The following NEK11 variants were observed in gnomAD, a reference collection of about 807,000 sequenced individuals.
NEK11 encodes NIMA related kinase 11, also known as serine/threonine-protein kinase Nek11.
A neutral mutation model predicts 80.7 loss-of-function variants in NEK11; 72 were observed. The observed-to-expected ratio is 0.89, with a 90% CI of 0.74 to 1.08. NEK11 has a LOEUF of 1.08. Among genes scored for constraint, NEK11 ranks in the 50% least tolerant of loss-of-function variants. NEK11 has a pLI of 0.00. For missense variants in NEK11, 764 were observed against 763.6 expected (o/e 1.00, Z -0.01); for synonymous variants, 251 against 260.7 (o/e 0.96, Z 0.36).
chr3:131,232,947 G>A (rs898484402), intron 15 of NEK11, among the ~76,000 whole-genome samples: 2 of 151,290 alleles, frequency 1.3e-5, no homozygotes, highest in Non-Finnish European at 2.9e-5. Context: ...AAGTAGGTGG[G>A]AGGAGTCTTA....
chr3:131,245,332 G>A (rs2095583779), intron 16 of NEK11, among the ~76,000 whole-genome samples: 2 of 130,900 alleles, frequency 1.5e-5, no homozygotes, highest in Admixed American at 7.4e-5. Context: ...TGTGTGTACT[G>A]TTATCCAATC....
At chr3:131,271,938 T>C (rs1168590022) in intron 16 of NEK11, among the ~76,000 whole-genome samples, 1 of 148,738 alleles carries the variant, frequency 6.7e-6, no homozygotes, top group Non-Finnish European at 1.5e-5. Context: ...CTGTCTCTAC[T>C]AAAAATACAA....
chr3:131,078,480 G>T (rs1177408722), intron 3 of NEK11, among the ~76,000 whole-genome samples: 1 of 151,854 alleles, frequency 6.6e-6, no homozygotes, highest in Non-Finnish European at 1.5e-5. Context: ...TTTTTTAATT[G>T]TAGTCTCTCA....
At chr3:131,321,106 A>G (rs2096892962) in intron 17 of NEK11, among the ~76,000 whole-genome samples, 2 of 152,218 alleles carry the variant, frequency 1.3e-5, no homozygotes, top group African/African-American at 2.4e-5. Context: ...AAACTGTACT[A>G]TAAGGCTACA....
At chr3:131,273,382 G>T in intron 16 of NEK11, 96 bp from the exon 17 acceptor site, 1 of 817,844 alleles carries the variant, frequency 1.2e-6, no homozygotes, top group African/African-American at 1.7e-5. Context: ...ATGTGGCAAA[G>T]GTGGATTAGC....
chr3:131,273,842 G>T lies in NEK11; in HGVS notation c.1718+268G>T, dbSNP rs201086343. 2.5e-4 allele frequency among the ~76,000 whole-genome samples: 38 copies of T among 152,254 alleles called. No individual in the cohort carries two copies. The East Asian group carries it at 2.7e-3, about 11-fold the overall frequency. On this transcript the variant is annotated intron_variant, in intron 17 of 17. Coordinates refer to ENST00000383366, the MANE Select transcript of NEK11 (RefSeq NM_024800.5). ...TGCAGCACAGCACATTCTCATCCATGCTAATGTTTGAAAGCAAAGGAGAAA... is the reference window on the plus strand; with the variant it reads ...TGCAGCACAGCACATTCTCATCCATTCTAATGTTTGAAAGCAAAGGAGAAA...
intron 5 of NEK11, among the ~76,000 whole-genome samples, chr3:131,127,625 T>C (rs1442251350): frequency 6.6e-6 from 1 of 152,130 alleles, no homozygotes. Context: ...CACTTGTGTA[T>C]TTATTTCTAT....
chr3:131,207,130 C>T lies in NEK11; in HGVS notation c.1400-21398C>T, dbSNP rs556860576. On this transcript the variant is annotated intron_variant, in intron 14 of 17. Coordinates refer to ENST00000383366, the MANE Select transcript of NEK11 (RefSeq NM_024800.5). ...TGAATAGTGCCACAATAAACATATG[C>T]GCACATGTGTCTTAATAGTAGCACG... Among the ~76,000 whole-genome samples, 10 of 152,274 alleles carry T rather than the reference C, an allele frequency of 6.6e-5. No homozygotes were observed. In the South Asian group the frequency reaches 1.2e-3, roughly 19 times the overall value.
Position 131,064,585 on chromosome 3 carries a change from G to T in NEK11, c.171-15838G>T, listed in dbSNP as rs1038028078. Among the ~76,000 whole-genome samples, 3 of 151,950 alleles carry T rather than the reference G, an allele frequency of 2.0e-5. No individual in the cohort carries two copies. In the South Asian group the frequency reaches 6.2e-4, roughly 32 times the overall value. ...TTGAGACCAACATATGAATTTTAGG[G>T]GGACACAATTCAATCCATAATAAGG... is the stretch of plus-strand genomic sequence containing the variant. On this transcript the variant is annotated intron_variant, in intron 3 of 17. Transcript: ENST00000383366.
At chr3:131,096,154 A>T (rs1462883401) in intron 4 of NEK11, among the ~76,000 whole-genome samples, 1 of 151,982 alleles carries the variant, frequency 6.6e-6, no homozygotes, top group Non-Finnish European at 1.5e-5. Flanking sequence ...AGTACCCAAT[A>T]GGTAGTTTTT....
chr3:131,220,561 A>G (rs976795794), intron 14 of NEK11, among the ~76,000 whole-genome samples: 1 of 152,198 alleles, frequency 6.6e-6, no homozygotes, highest in African/African-American at 2.4e-5. Flanking sequence ...TTAGAGCCTT[A>G]TAATAGCCTT....
At chr3:131,186,298 C>T (rs1212784320) in intron 14 of NEK11, among the ~76,000 whole-genome samples, 1 of 152,124 alleles carries the variant, frequency 6.6e-6, no homozygotes, top group Non-Finnish European at 1.5e-5. Flanking sequence ...ATCACTTTGG[C>T]TGATTAGTTC....
At chr3:131,207,964 G>A (rs527667434) in intron 14 of NEK11, among the ~76,000 whole-genome samples, 2 of 152,210 alleles carry the variant, frequency 1.3e-5, no homozygotes, top group Non-Finnish European at 2.9e-5. Flanking sequence ...AAGCTCTTTA[G>A]TTTAATTCGA....
intron 14 of NEK11, among the ~76,000 whole-genome samples, chr3:131,173,932 A>G (rs1446948030): frequency 6.6e-6 from 1 of 152,218 alleles, no homozygotes; most frequent in East Asian, 1.9e-4. Flanking sequence ...TTAGGCCTCT[A>G]TGATAAACTA....
At chr3:131,059,138 G>A (rs1244246881) in intron 3 of NEK11, among the ~76,000 whole-genome samples, 1 of 152,152 alleles carries the variant, frequency 6.6e-6, no homozygotes, top group African/African-American at 2.4e-5. Context: ...AGAAGTATCA[G>A]TCTTCTTGGT....
At chr3:131,251,268 G>C (rs550198623) in intron 16 of NEK11, among the ~76,000 whole-genome samples, 3 of 150,686 alleles carry the variant, frequency 2.0e-5, no homozygotes, top group Non-Finnish European at 4.4e-5. Context: ...TTGAAGGTGA[G>C]GCAGGAAGCT....
At chr3:131,310,926 C>T (rs1161692468) in intron 17 of NEK11, among the ~76,000 whole-genome samples, 1 of 152,164 alleles carries the variant, frequency 6.6e-6, no homozygotes, top group African/African-American at 2.4e-5. Context: ...ACAGCATGAG[C>T]ATCATAGACC....
intron 16 of NEK11, among the ~76,000 whole-genome samples, chr3:131,244,332 C>A (rs1416828446): frequency 6.6e-6 from 1 of 152,070 alleles, no homozygotes; most frequent in Non-Finnish European, 1.5e-5. Flanking sequence ...GATTTTCTCA[C>A]CTGACCATCA....
At position 131,133,854 on chromosome 3, in the gene NEK11, T is replaced by C; in HGVS notation, c.545T>C (p.Leu182Pro). ...GGAGATTTTGGAGTTTCTCGACTTC[T>C]AATGGGATCCTGTGACCTGGCCACA... ...KIGDFGVSRL[L>P]MGSCDLATTL... Residue 182 changes from leucine to proline, a missense_variant, in exon 7 of 18, where the codon CTA becomes CCA. Physicochemically the swap from Leu to Pro is moderately conservative, Grantham distance 98 (BLOSUM62 -3). Transcript: ENST00000383366. 6.2e-7 allele frequency: 1 copy of C among 1,612,496 alleles called. No individual in the cohort carries two copies. The highest frequency in any genetic ancestry group is 8.5e-7 in the Non-Finnish European group (1 of 1,178,956).
Sources: gnomAD v4.1 joint callset for allele counts (sites outside exome capture counted in the v4.1 genomes callset) on GRCh38, gnomAD v4.1.1 for gene constraint, MANE v1.5 for transcripts, NCBI Gene and HGNC (gene_info 2026-07-23, HGNC 2026-07-21) for gene names.